JMJD1C: variants seen among roughly 807,000 people sequenced by gnomAD.
JMJD1C encodes jumonji domain containing 1C.
Under a neutral mutation model 245.3 loss-of-function variants are expected in JMJD1C, and 31 were observed. That is an observed-to-expected ratio of 0.13 (90% CI 0.09 to 0.17). The LOEUF (loss-of-function observed/expected upper bound fraction) is 0.17. JMJD1C is among the 10% of genes least tolerant of loss of function. The probability of loss-of-function intolerance (pLI) is 1.00; values close to 1 mark genes in which losing one functional copy is unlikely to be tolerated. For missense variants in JMJD1C, 2,691 were observed against 3,000.2 expected (o/e 0.90, Z 2.41); for synonymous variants, 1,057 against 1,017.4 (o/e 1.04, Z -0.74).
rs142631945 is a variant in JMJD1C at position 63,187,683 on chromosome 10, G to A, written c.6571-1300C>T. On this transcript the variant is annotated intron_variant, in intron 18 of 25. Coordinates refer to ENST00000399262, the MANE Select transcript of JMJD1C (RefSeq NM_032776.3). ...AACTCCTGGGCTGAAGCGATCAATC[G>A]TCCCACCTTGGCCTCCCAAAATGTT... Among the ~76,000 whole-genome samples the A allele has an allele frequency of 4.4e-4, 67 of 152,228 alleles. 1 individual carries two copies. In the East Asian group the frequency reaches 5.4e-3, roughly 12 times the overall value.
chr10:63,348,025 C>T (rs983150407), intron 2 of JMJD1C, among the ~76,000 whole-genome samples: 8 of 152,028 alleles, frequency 5.3e-5, no homozygotes, highest in African/African-American at 1.9e-4. Flanking sequence ...TCAGCCTGGA[C>T]AACATGGTGA....
intron 1 of JMJD1C, among the ~76,000 whole-genome samples, chr10:63,395,872 C>G (rs140786525): frequency 6.6e-6 from 1 of 151,832 alleles, no homozygotes; most frequent in Non-Finnish European, 1.5e-5. Flanking sequence ...TCTATTCATG[C>G]GACACCCAAG....
intron 1 of JMJD1C, among the ~76,000 whole-genome samples, chr10:63,489,022 A>G (rs1398384207): frequency 6.6e-6 from 1 of 152,226 alleles, no homozygotes; most frequent in African/African-American, 2.4e-5. Context: ...CATAGCTGGC[A>G]TTACATCCTA....
intron 2 of JMJD1C, among the ~76,000 whole-genome samples, chr10:63,288,633 T>C (rs551626728): frequency 5.3e-4 from 81 of 152,286 alleles, no homozygotes; most frequent in African/African-American, 1.9e-3. Flanking sequence ...CTGAATACAG[T>C]GGCTCACACC....
intron 16 of JMJD1C, 135 bp from the exon 17 acceptor site, chr10:63,191,243 T>C: frequency 1.6e-6 from 1 of 644,896 alleles, no homozygotes; most frequent in Non-Finnish European, 2.7e-6. Flanking sequence ...GTGGTTCTCC[T>C]GTCTCAGCTT....
chr10:63,340,602 A>G (rs1041927798), intron 2 of JMJD1C, among the ~76,000 whole-genome samples: 1 of 152,232 alleles, frequency 6.6e-6, no homozygotes, highest in Non-Finnish European at 1.5e-5. Flanking sequence ...ATGTCTTACA[A>G]AACAGTATGG....
chr10:63,185,505 TG>T, intron 20 of JMJD1C, 57 bp downstream of exon 20: 1 of 941,266 alleles, frequency 1.1e-6, no homozygotes, highest in Non-Finnish European at 1.7e-6. Flanking sequence ...ATCCTATCTC[TG>T]GGGACAGTCT....
At chr10:63,431,618 A>G (rs949128036) in intron 1 of JMJD1C, among the ~76,000 whole-genome samples, 1 of 152,216 alleles carries the variant, frequency 6.6e-6, no homozygotes, top group East Asian at 1.9e-4. Context: ...GTAATATTTG[A>G]GATGACTTGG....
Position 63,214,863 on chromosome 10 carries a change from T to C in JMJD1C, c.1304A>G (p.Asp435Gly). 2.5e-6 allele frequency: 4 copies of C among 1,613,984 alleles called. No homozygotes were observed. Among genetic ancestry groups the C allele is most frequent in the Non-Finnish European group, 3.4e-6 (4 of 1,179,968 alleles). ...ETLKNSQPPW[D>G]QIQEDKKHEE... ...ATGTTTTTTATCTTCCTGTATTTGA[T>C]CCCAGGGAGGCTGGCTATTTTTTAG... The change falls in exon 8 of 26, where the codon GAT becomes GGT. Residue 435 changes from aspartate to glycine, a missense_variant. Physicochemically the swap from Asp to Gly is moderately conservative, Grantham distance 94. This residue lies in a region of JMJD1C where 1,562 missense variants were observed against 1,490.7 expected (regional missense o/e 1.05). Coordinates refer to ENST00000399262, the MANE Select transcript of JMJD1C (RefSeq NM_032776.3).
At chr10:63,183,049 C>A (rs946109701) in intron 22 of JMJD1C, among the ~76,000 whole-genome samples, 1 of 151,998 alleles carries the variant, frequency 6.6e-6, no homozygotes, top group Admixed American at 6.6e-5. Context: ...TTAGTAGAGA[C>A]AGGGTTATAG....
At chr10:63,322,802 C>CAAAA (rs58263377) in intron 2 of JMJD1C, among the ~76,000 whole-genome samples, 6 of 73,782 alleles carry the variant, frequency 8.1e-5, no homozygotes, top group African/African-American at 1.1e-4. Context: ...GATTCCATCT[C>CAAAA]AAAAAAAAAA....
intron 1 of JMJD1C, among the ~76,000 whole-genome samples, chr10:63,440,710 T>C (rs1311880998): frequency 1.3e-5 from 2 of 152,172 alleles, no homozygotes; most frequent in Non-Finnish European, 2.9e-5. Flanking sequence ...AATATCTTCC[T>C]TGAAGACTGA....
In JMJD1C at chr10:63,330,341, T is replaced by C. The variant is rs181062254; in HGVS notation, c.333+49977A>G. Among the ~76,000 whole-genome samples, 104 of 152,352 alleles carry C rather than the reference T, an allele frequency of 6.8e-4. 1 individual carries two copies. Among genetic ancestry groups the C allele is most frequent in the African/African-American group, 2.4e-3 (101 of 41,594 alleles). On this transcript the variant is annotated intron_variant, in intron 2 of 25. Coordinates refer to ENST00000399262, the MANE Select transcript of JMJD1C (RefSeq NM_032776.3). ...ACATAAGTCAAAGAACATCTGTACATGCTTAGTAAGAGAACACATGTAAAT... is the reference window on the plus strand; with the variant it reads ...ACATAAGTCAAAGAACATCTGTACACGCTTAGTAAGAGAACACATGTAAAT...
At chr10:63,465,473 AG>A in intron 1 of JMJD1C, 21 bp downstream of exon 1, 3 of 1,576,900 alleles carry the variant, frequency 1.9e-6, no homozygotes, top group Non-Finnish European at 8.6e-7. Context: ...GCAGGGGAAA[AG>A]GGGGGCGCTG....
chr10:63,429,364 G>A (rs748064910), intron 1 of JMJD1C, among the ~76,000 whole-genome samples: 21 of 152,186 alleles, frequency 1.4e-4, no homozygotes, highest in Non-Finnish European at 1.8e-4. Flanking sequence ...AAAAAAGACA[G>A]CTTTGAAGAT....
chr10:63,450,337 C>T (rs1215148026), intron 1 of JMJD1C, among the ~76,000 whole-genome samples: 2 of 151,834 alleles, frequency 1.3e-5, no homozygotes, highest in Non-Finnish European at 2.9e-5. Flanking sequence ...GATATTCATA[C>T]ACTGATGTTC....
chr10:63,322,396 G>A (rs1235908105), intron 2 of JMJD1C, among the ~76,000 whole-genome samples: 4 of 152,152 alleles, frequency 2.6e-5, no homozygotes, highest in Admixed American at 2.6e-4. Flanking sequence ...GAGCGCAAGA[G>A]ATGGAAAGTG....
intron 1 of JMJD1C, among the ~76,000 whole-genome samples, chr10:63,500,352 A>C (rs934516434): frequency 1.3e-5 from 2 of 151,856 alleles, no homozygotes; most frequent in Admixed American, 1.3e-4. Context: ...GAGCCCAGGA[A>C]GCAGAGGTTG....
At chr10:63,199,580 C>A (rs1315325332) in intron 11 of JMJD1C, among the ~76,000 whole-genome samples, 4 of 152,162 alleles carry the variant, frequency 2.6e-5, no homozygotes, top group African/African-American at 9.6e-5. Context: ...ACATTTCTTT[C>A]CTTCAGACTT....
Sources: gnomAD v4.1 joint callset for allele counts (sites outside exome capture counted in the v4.1 genomes callset) on GRCh38, gnomAD v4.1.1 for gene constraint, gnomAD v4.1.1 regional missense constraint, MANE v1.5 for transcripts, NCBI Gene and HGNC (gene_info 2026-07-23, HGNC 2026-07-21) for gene names.